The following RBFOX3 variants were observed in gnomAD, a reference collection of about 807,000 sequenced individuals.
RBFOX3 encodes RNA binding protein fox-1 homolog 3.
A neutral mutation model predicts 48.7 loss-of-function variants in RBFOX3; 17 were observed. The observed-to-expected ratio is 0.35, with a 90% confidence interval of 0.24 to 0.52. RBFOX3 has a LOEUF of 0.52. RBFOX3 is among the 20% of genes least tolerant of loss of function. RBFOX3 has a pLI of 0.94. For missense variants in RBFOX3, 382 were observed against 497.5 expected (o/e 0.77, Z 2.21); for synonymous variants, 212 against 209.5 (o/e 1.01, Z -0.10).
intron 1 of RBFOX3, among the ~76,000 whole-genome samples, chr17:79,541,968 C>G (rs1344929118): frequency 6.6e-6 from 1 of 152,046 alleles, no homozygotes; most frequent in Admixed American, 6.6e-5. Context: ...CCGGGGCCTT[C>G]CCTCGAGTGT....
In RBFOX3 at chr17:79,429,485, A is replaced by T. The variant is rs183004490; in HGVS notation, c.-175+52969T>A. Among the ~76,000 whole-genome samples the T allele has an allele frequency of 9.6e-3, 1,465 of 152,296 alleles. 14 individuals are homozygous for T. Among genetic ancestry groups the T allele is most frequent in the South Asian group, 0.022 (107 of 4,828 alleles). On this transcript the variant is annotated intron_variant, in intron 2 of 14. Coordinates refer to ENST00000693108, the MANE Select transcript of RBFOX3 (RefSeq NM_001350451.2). Reference sequence around the variant, plus strand: ...CAGGCTGGGCAGGAGGAGGGAGGCCATGCCGTGGACTGGGCCAGGGTTTGT... The same window carrying T: ...CAGGCTGGGCAGGAGGAGGGAGGCCTTGCCGTGGACTGGGCCAGGGTTTGT...
intron 2 of RBFOX3, among the ~76,000 whole-genome samples, chr17:79,343,997 TG>T (rs2082489764): frequency 6.6e-6 from 1 of 152,218 alleles, no homozygotes; most frequent in Non-Finnish European, 1.5e-5. Flanking sequence ...GTATGAGAGA[TG>T]CCAGGAAGAT....
chr17:79,545,825 C>G (rs553643777), intron 1 of RBFOX3, among the ~76,000 whole-genome samples: 1 of 152,324 alleles, frequency 6.6e-6, no homozygotes, highest in East Asian at 1.9e-4. Context: ...TCAGACACAC[C>G]CGTGCACACT....
intron 2 of RBFOX3, among the ~76,000 whole-genome samples, chr17:79,342,634 G>A (rs749470956): frequency 1.3e-5 from 2 of 152,206 alleles, no homozygotes; most frequent in Non-Finnish European, 2.9e-5. Context: ...CAGAGTCGAA[G>A]GATGACCTGG....
chr17:79,385,616 C>T (rs1730195257), intron 2 of RBFOX3, among the ~76,000 whole-genome samples: 1 of 152,202 alleles, frequency 6.6e-6, no homozygotes, highest in Admixed American at 6.5e-5. Flanking sequence ...ACGTGTGCTG[C>T]TCCCTCATTC....
At chr17:79,211,425 G>C (rs145097913) in intron 4 of RBFOX3, among the ~76,000 whole-genome samples, 1 of 152,364 alleles carries the variant, frequency 6.6e-6, no homozygotes, top group African/African-American at 2.4e-5. Context: ...AAATGGAAGG[G>C]TCCTTAATCC....
intron 1 of RBFOX3, among the ~76,000 whole-genome samples, chr17:79,483,360 C>T (rs1380124804): frequency 2.6e-5 from 4 of 151,594 alleles, no homozygotes; most frequent in Non-Finnish European, 5.9e-5. Context: ...CACACAGGCG[C>T]ATGCCTCCCC....
chr17:79,620,111 G>GCACGCACACAAGCA, the RBFOX3 span, among the ~76,000 whole-genome samples: 1 of 123,454 alleles, frequency 8.1e-6, no homozygotes, highest in South Asian at 2.3e-4. Context: ...GTGCATGCAC[G>GCACGCACACAAGCA]CATATGCACA....
intron 14 of RBFOX3, among the ~76,000 whole-genome samples, chr17:79,093,791 C>CACACA (rs1555681687): frequency 3.5e-5 from 5 of 143,822 alleles, no homozygotes; most frequent in African/African-American, 7.7e-5. Flanking sequence ...CAACAGCTGG[C>CACACA]CACACACACA....
chr17:79,476,265 T>A (rs1163316586), intron 2 of RBFOX3, among the ~76,000 whole-genome samples: 2 of 152,220 alleles, frequency 1.3e-5, no homozygotes, highest in African/African-American at 2.4e-5. Context: ...GGGAGCGGTG[T>A]CCTGGGGAAC....
intron 1 of RBFOX3, among the ~76,000 whole-genome samples, chr17:79,563,048 G>A (rs2092309078): frequency 6.6e-6 from 1 of 152,220 alleles, no homozygotes; most frequent in Non-Finnish European, 1.5e-5. Flanking sequence ...TGGCCCCTGC[G>A]CAGCAGCAGA....
At chr17:79,385,366 G>A (rs972918935) in intron 2 of RBFOX3, among the ~76,000 whole-genome samples, 2 of 152,198 alleles carry the variant, frequency 1.3e-5, no homozygotes, top group Admixed American at 1.3e-4. Context: ...GGTCACTGAA[G>A]GAAGAGCTTC....
intron 4 of RBFOX3, among the ~76,000 whole-genome samples, chr17:79,137,849 G>A (rs1022181660): frequency 1.3e-5 from 2 of 152,176 alleles, no homozygotes; most frequent in Non-Finnish European, 2.9e-5. Context: ...CACAAAGCGG[G>A]GCCATTTCCT....
At chr17:79,637,096 G>C in the RBFOX3 span, among the ~76,000 whole-genome samples, 41 of 152,220 alleles carry the variant, frequency 2.7e-4, no homozygotes, top group African/African-American at 9.9e-4. Context: ...ATTTCTACAA[G>C]AGATATAACA....
Position 79,222,169 on chromosome 17 carries a change from A to T in RBFOX3, c.-34+13597T>A, listed in dbSNP as rs141194587. ...TACCTGCTGCCTGATTTCTACCTGC[A>T]GCCTGATTTCTACCTGCAGCCTGAT... On this transcript the variant is annotated intron_variant, in intron 4 of 14. Coordinates refer to ENST00000693108, the MANE Select transcript of RBFOX3 (RefSeq NM_001350451.2). Among the ~76,000 whole-genome samples, 179 of 114,584 alleles carry T rather than the reference A, an allele frequency of 1.6e-3. 1 individual carries two copies. Among genetic ancestry groups the T allele is most frequent in the African/African-American group, 0.01 (172 of 17,102 alleles). 75.2% of individuals were successfully genotyped at this position (114,584 alleles called of 152,430 possible). A position where few individuals can be genotyped will look rare whatever the true frequency, so the allele number is the denominator to read the frequency against.
intron 2 of RBFOX3, among the ~76,000 whole-genome samples, chr17:79,358,645 G>C (rs1414517225): frequency 6.6e-6 from 1 of 151,998 alleles, no homozygotes; most frequent in Non-Finnish European, 1.5e-5. Context: ...ATTTTTAGTA[G>C]AGAAGGGGTT....
intron 4 of RBFOX3, among the ~76,000 whole-genome samples, chr17:79,156,187 G>C (rs978723906): frequency 1.3e-5 from 2 of 152,180 alleles, no homozygotes; most frequent in Admixed American, 6.5e-5. Flanking sequence ...TGGGGGTCTT[G>C]GATGCAGAGA....
chr17:79,425,224 G>T (rs1288906513), intron 2 of RBFOX3, among the ~76,000 whole-genome samples: 1 of 152,150 alleles, frequency 6.6e-6, no homozygotes, highest in African/African-American at 2.4e-5. Flanking sequence ...CCTTCCTGGA[G>T]CACCCTCGTC....
intron 2 of RBFOX3, among the ~76,000 whole-genome samples, chr17:79,366,605 T>C (rs1425417748): frequency 6.6e-6 from 1 of 152,148 alleles, no homozygotes; most frequent in Admixed American, 6.5e-5. Context: ...AGCAGTGCCT[T>C]ATTGACCCTT....
Sources: gnomAD v4.1 joint callset for allele counts (sites outside exome capture counted in the v4.1 genomes callset) on GRCh38, gnomAD v4.1.1 for gene constraint, MANE v1.5 for transcripts, NCBI Gene and HGNC (gene_info 2026-07-23, HGNC 2026-07-21) for gene names.